The following CAMKMT variants were observed in gnomAD, a reference collection of about 807,000 sequenced individuals.
The protein encoded by CAMKMT is calmodulin-lysine N-methyltransferase, also known as CaM KMT.
A neutral mutation model predicts 48.0 loss-of-function variants in CAMKMT; 53 were observed. The observed-to-expected ratio is 1.10, with a 90% CI of 0.89 to 1.39. The LOEUF is 1.39. CAMKMT is among the 40% of genes most tolerant of loss of function. The probability of loss-of-function intolerance (pLI) is 0.00; values close to 1 mark genes in which losing one functional copy is unlikely to be tolerated. For synonymous variants in CAMKMT, 165 were observed against 152.3 expected (o/e 1.08, Z -0.61); for missense variants, 428 against 402.7 (o/e 1.06, Z -0.54).
At chr2:44,628,364 T>TTGTTTGTC (rs1672615186) in intron 3 of CAMKMT, among the ~76,000 whole-genome samples, 1 of 152,150 alleles carries the variant, frequency 6.6e-6, no homozygotes, top group African/African-American at 2.4e-5. Flanking sequence ...TTTTTCTCTA[T>TTGTTTGTC]TGTTTGTCTG....
intron 3 of CAMKMT, among the ~76,000 whole-genome samples, chr2:44,424,401 C>G (rs1264736653): frequency 2.6e-5 from 4 of 151,994 alleles, no homozygotes; most frequent in African/African-American, 9.7e-5. Flanking sequence ...TGTGAAAGGG[C>G]CGTGATACAT....
intron 3 of CAMKMT, among the ~76,000 whole-genome samples, chr2:44,689,268 A>G (rs554013718): frequency 7.8e-6 from 1 of 127,954 alleles, no homozygotes; most frequent in South Asian, 2.4e-4. Flanking sequence ...ACTATTTTTT[A>G]TTTATTTATT....
At position 44,603,677 on chromosome 2, in the gene CAMKMT, A is replaced by G. The variant is rs953344632; in HGVS notation, c.377-100606A>G. Among the ~76,000 whole-genome samples the G allele has an allele frequency of 3.3e-5, 5 of 152,186 alleles. No individual in the cohort carries two copies. The East Asian group carries it at 9.6e-4, about 29-fold the overall frequency. ...TGGTCTCACTTGATAAATTCCTGGA[A>G]TTGGAGTTACTTAATAAAAAGGTAT... On this transcript the variant is annotated intron_variant, in intron 3 of 10. Coordinates refer to ENST00000378494, the MANE Select transcript of CAMKMT (RefSeq NM_024766.5).
chr2:44,714,322 C>T (rs1678053082), intron 6 of CAMKMT, among the ~76,000 whole-genome samples: 1 of 152,160 alleles, frequency 6.6e-6, no homozygotes, highest in Non-Finnish European at 1.5e-5. Context: ...TGAAACCTGA[C>T]TATTTTTTCC....
At chr2:44,606,183 C>T (rs1671270332) in intron 3 of CAMKMT, among the ~76,000 whole-genome samples, 1 of 152,076 alleles carries the variant, frequency 6.6e-6, no homozygotes, top group Non-Finnish European at 1.5e-5. Flanking sequence ...TCTAAAATAG[C>T]CACTAAAGTA....
intron 3 of CAMKMT, among the ~76,000 whole-genome samples, chr2:44,575,841 G>A (rs899447622): frequency 2.0e-5 from 3 of 151,868 alleles, no homozygotes; most frequent in Non-Finnish European, 2.9e-5. Flanking sequence ...TCTCGGTGAC[G>A]GTGAGACCCT....
chr2:44,432,282 G>C (rs954119666), intron 3 of CAMKMT, among the ~76,000 whole-genome samples: 1 of 152,120 alleles, frequency 6.6e-6, no homozygotes, highest in Admixed American at 6.6e-5. Flanking sequence ...CTGCACACGG[G>C]TAATAATAAG....
intron 3 of CAMKMT, among the ~76,000 whole-genome samples, chr2:44,488,177 A>G (rs1669300575): frequency 6.6e-6 from 1 of 152,196 alleles, no homozygotes; most frequent in Non-Finnish European, 1.5e-5. Context: ...TGAAATGTGT[A>G]AGTTTGCCAG....
chr2:44,574,809 C>T (rs930454083), intron 3 of CAMKMT, among the ~76,000 whole-genome samples: 16 of 152,180 alleles, frequency 1.1e-4, no homozygotes, highest in Admixed American at 6.5e-4. Context: ...GGCGCGGTCT[C>T]GGCTCACAGC....
chr2:44,584,630 T>C (rs1399745389), intron 3 of CAMKMT, among the ~76,000 whole-genome samples: 1 of 152,196 alleles, frequency 6.6e-6, no homozygotes, highest in Non-Finnish European at 1.5e-5. Context: ...AAAAAATATT[T>C]ATGAATGTCT....
chr2:44,716,435 T>C (rs1678179327), intron 7 of CAMKMT, among the ~76,000 whole-genome samples: 1 of 152,196 alleles, frequency 6.6e-6, no homozygotes, highest in Non-Finnish European at 1.5e-5. Context: ...TGTGAGGCTA[T>C]GGAATAGCAA....
chr2:44,567,972 G>A (rs1207622263), intron 3 of CAMKMT, among the ~76,000 whole-genome samples: 1 of 151,950 alleles, frequency 6.6e-6, no homozygotes, highest in East Asian at 1.9e-4. Context: ...GTAAGTACTG[G>A]GGACCAAGGT....
At chr2:44,518,167 T>A (rs1670927117) in intron 3 of CAMKMT, among the ~76,000 whole-genome samples, 1 of 152,126 alleles carries the variant, frequency 6.6e-6, no homozygotes, top group Admixed American at 6.6e-5. Context: ...ACACTTTTTT[T>A]TTTCAAGAAA....
chr2:44,580,053 C>A (rs1669462960), intron 3 of CAMKMT, among the ~76,000 whole-genome samples: 1 of 152,044 alleles, frequency 6.6e-6, no homozygotes, highest in South Asian at 2.1e-4. Flanking sequence ...TGCTTCAGTG[C>A]CCACGCACCC....
At chr2:44,530,386 T>C (rs1666417593) in intron 3 of CAMKMT, among the ~76,000 whole-genome samples, 1 of 152,220 alleles carries the variant, frequency 6.6e-6, no homozygotes, top group Non-Finnish European at 1.5e-5. Flanking sequence ...TTGACAAATG[T>C]GTTAATCTAC....
chr2:44,708,210 G>GTTTT (rs1558809421), intron 6 of CAMKMT, among the ~76,000 whole-genome samples: 6 of 17,684 alleles, frequency 3.4e-4, no homozygotes, highest in African/African-American at 1.8e-3. Context: ...GTTTGCTTTG[G>GTTTT]ATTTTTTTTT....
intron 3 of CAMKMT, among the ~76,000 whole-genome samples, chr2:44,404,030 A>G (rs756240406): frequency 2.6e-5 from 4 of 152,204 alleles, no homozygotes; most frequent in African/African-American, 9.6e-5. Flanking sequence ...TTAATTTAAT[A>G]TACCATTAAA....
At chr2:44,460,716 C>CTTTTTTT (rs1202949999) in intron 3 of CAMKMT, among the ~76,000 whole-genome samples, 4 of 103,234 alleles carry the variant, frequency 3.9e-5, no homozygotes, top group Non-Finnish European at 8.0e-5. Context: ...GTGATAGATT[C>CTTTTTTT]TTTTTTTTTT....
At chr2:44,690,209 A>G (rs972467708) in intron 3 of CAMKMT, among the ~76,000 whole-genome samples, 1 of 152,238 alleles carries the variant, frequency 6.6e-6, no homozygotes, top group Non-Finnish European at 1.5e-5. Flanking sequence ...GTCACAGGCT[A>G]GAGCCCACTG....
Sources: gnomAD v4.1 joint callset for allele counts (sites outside exome capture counted in the v4.1 genomes callset) on GRCh38, gnomAD v4.1.1 for gene constraint, MANE v1.5 for transcripts, NCBI Gene and HGNC (gene_info 2026-07-23, HGNC 2026-07-21) for gene names.